STXBP5L: variants seen among roughly 807,000 people sequenced by gnomAD.
STXBP5L encodes syntaxin-binding protein 5-like.
A neutral mutation model predicts 144.5 loss-of-function variants in STXBP5L; 65 were observed. The ratio of observed to expected loss-of-function variants is 0.45; its 90% CI spans 0.37 to 0.55. The LOEUF (loss-of-function observed/expected upper bound fraction) is 0.55. STXBP5L is among the 20% of genes least tolerant of loss of function. The pLI is 0.00. For missense variants in STXBP5L, 1,298 were observed against 1,405.5 expected, an observed-to-expected ratio of 0.92 and a Z score of 1.22; for synonymous variants, 505 against 469.6, an observed-to-expected ratio of 1.08 and a Z score of -0.97.
intron 7 of STXBP5L, among the ~76,000 whole-genome samples, chr3:121,143,807 A>G (rs551860242): frequency 1.7e-4 from 26 of 152,052 alleles, no homozygotes; most frequent in African/African-American, 5.5e-4. Context: ...ACATCAATTC[A>G]AAATGGATTA....
In STXBP5L at chr3:121,094,549, TC is replaced by T. The variant is rs765839552; in HGVS notation, c.471-20375del. ...TAATGGCCTTCTTTGTCCCTTTTGA[TC>T]TTTGTTGGTTTAAAGTCTGTTTTAT... On this transcript the variant is annotated intron_variant, in intron 5 of 26. Transcript: ENST00000471454. 3.0e-3 allele frequency among the ~76,000 whole-genome samples: 460 copies of T among 152,136 alleles called. 1 individual carries two copies. The highest frequency in any genetic ancestry group is 5.4e-3 in the Non-Finnish European group (364 of 67,986).
At chr3:121,054,187 T>A (rs1948262299) in intron 5 of STXBP5L, among the ~76,000 whole-genome samples, 5 of 152,164 alleles carry the variant, frequency 3.3e-5, no homozygotes, top group Admixed American at 3.3e-4. Context: ...GTGTGGCGAT[T>A]CCTCAGGGAT....
intron 5 of STXBP5L, among the ~76,000 whole-genome samples, chr3:121,056,959 G>A (rs1277526834): frequency 2.0e-5 from 3 of 148,960 alleles, no homozygotes; most frequent in South Asian, 2.1e-4. Context: ...TTATAAAGAG[G>A]GAAAAAAGCG....
intron 3 of STXBP5L, among the ~76,000 whole-genome samples, chr3:121,006,581 G>T (rs572921287): frequency 6.6e-6 from 1 of 152,138 alleles, no homozygotes; most frequent in Non-Finnish European, 1.5e-5. Flanking sequence ...GTATGAATTT[G>T]ATCCTGTCAT....
chr3:121,195,199 C>T (rs552186912), intron 9 of STXBP5L, among the ~76,000 whole-genome samples: 5 of 152,020 alleles, frequency 3.3e-5, no homozygotes, highest in Non-Finnish European at 7.4e-5. Flanking sequence ...GCTGGGATTA[C>T]AGGTGTGAGC....
chr3:121,336,155 A>G (rs2044497437), intron 20 of STXBP5L, among the ~76,000 whole-genome samples: 1 of 152,216 alleles, frequency 6.6e-6, no homozygotes, highest in Non-Finnish European at 1.5e-5. Context: ...CAAAGAGCAT[A>G]TGAAAAAAAG....
chr3:120,984,745 A>G (rs1236210061), intron 3 of STXBP5L, among the ~76,000 whole-genome samples: 1 of 151,032 alleles, frequency 6.6e-6, no homozygotes, highest in Non-Finnish European at 1.5e-5. Context: ...TGATTTTAAA[A>G]GAAGAGTTTT....
rs375688313 is a variant in STXBP5L at position 121,121,659 on chromosome 3, A to T, written c.624A>T (p.Pro208=). 4.6e-5 allele frequency: 74 copies of T among 1,605,516 alleles called. No homozygotes were observed. The highest frequency in any genetic ancestry group is 3.6e-4 in the East Asian group (16 of 44,654). ...TTAACAGATCCACTAAGACTCATCCAGGTCCAGTTGTACATTTAAGCGATA... is the reference window on the plus strand; with the variant it reads ...TTAACAGATCCACTAAGACTCATCCTGGTCCAGTTGTACATTTAAGCGATA... ...KAIELSTKTH[P]GPVVHLSDSP... is the part of the protein sequence containing the mutation. The change falls in exon 7 of 27, where the codon CCA becomes CCT. Residue 208 remains proline, a synonymous_variant. Transcript: ENST00000471454.
intron 10 of STXBP5L, among the ~76,000 whole-genome samples, chr3:121,214,746 TC>T (rs1362612213): frequency 6.6e-6 from 1 of 152,184 alleles, no homozygotes; most frequent in East Asian, 1.9e-4. Flanking sequence ...TGAGTTCAAG[TC>T]CTGAATAGCC....
At chr3:121,341,508 A>G (rs567255967) in intron 20 of STXBP5L, among the ~76,000 whole-genome samples, 1 of 151,994 alleles carries the variant, frequency 6.6e-6, no homozygotes, top group Non-Finnish European at 1.5e-5. Context: ...CAGCAATCCC[A>G]CTACCAAGTG....
At chr3:120,979,374 G>T (rs1399485773) in intron 3 of STXBP5L, among the ~76,000 whole-genome samples, 1 of 152,200 alleles carries the variant, frequency 6.6e-6, no homozygotes, top group Non-Finnish European at 1.5e-5. Context: ...TAATCTTCTG[G>T]TGCACCGTTT....
intron 9 of STXBP5L, among the ~76,000 whole-genome samples, chr3:121,172,930 C>G (rs1054325586): frequency 2.0e-5 from 3 of 152,154 alleles, no homozygotes; most frequent in African/African-American, 7.2e-5. Flanking sequence ...GGAACCAACC[C>G]AAATGTCCAT....
chr3:121,338,628 A>C (rs1033558606), intron 20 of STXBP5L, among the ~76,000 whole-genome samples: 2 of 151,158 alleles, frequency 1.3e-5, no homozygotes, highest in Non-Finnish European at 2.9e-5. Flanking sequence ...GAGAGAAAGA[A>C]AGAAAGAAAG....
intron 20 of STXBP5L, among the ~76,000 whole-genome samples, chr3:121,352,259 A>G (rs988461924): frequency 6.6e-6 from 1 of 152,116 alleles, no homozygotes; most frequent in Non-Finnish European, 1.5e-5. Context: ...CATTGAATCT[A>G]TAAATTACCT....
In STXBP5L at chr3:121,029,481, C is replaced by T. The variant is rs138601211; in HGVS notation, c.288-12219C>T. On this transcript the variant is annotated intron_variant, in intron 3 of 26. Coordinates refer to ENST00000471454, the MANE Select transcript of STXBP5L (RefSeq NM_001308330.2). ...GTTGGGAAAACTGGCTAGCCATATG[C>T]AGAAAAGTGAAACTGGACCCTTTCC... is the stretch of plus-strand genomic sequence containing the variant. Among the ~76,000 whole-genome samples the T allele has an allele frequency of 9.6e-3, 1,459 of 152,178 alleles. 11 individuals carry two copies. Among genetic ancestry groups the T allele is most frequent in the Non-Finnish European group, 0.013 (911 of 67,974 alleles).
intron 19 of STXBP5L, among the ~76,000 whole-genome samples, chr3:121,304,826 C>G (rs2043283367): frequency 6.6e-6 from 1 of 151,442 alleles, no homozygotes; most frequent in African/African-American, 2.4e-5. Context: ...GCAATGTAAA[C>G]CACCCAATGT....
At chr3:121,220,174 A>T (rs994309114) in intron 10 of STXBP5L, among the ~76,000 whole-genome samples, 15 of 152,066 alleles carry the variant, frequency 9.9e-5, no homozygotes, top group African/African-American at 3.4e-4. Flanking sequence ...TTTGTTCTCC[A>T]TCACTATAGT....
At chr3:121,280,090 G>GT in intron 19 of STXBP5L, 134 bp downstream of exon 19, 2 of 1,114,920 alleles carry the variant, frequency 1.8e-6, no homozygotes, top group Non-Finnish European at 2.5e-6. Context: ...ACAAAATCAT[G>GT]TAAGTAAAAT....
intron 2 of STXBP5L, among the ~76,000 whole-genome samples, chr3:120,921,432 T>C (rs1709354428): frequency 6.6e-6 from 1 of 152,050 alleles, no homozygotes; most frequent in African/African-American, 2.4e-5. Context: ...GGGTTGTCTC[T>C]TTACCTTGTT....
Sources: gnomAD v4.1 joint callset for allele counts (sites outside exome capture counted in the v4.1 genomes callset) on GRCh38, gnomAD v4.1.1 for gene constraint, MANE v1.5 for transcripts, NCBI Gene and HGNC (gene_info 2026-07-23, HGNC 2026-07-21) for gene names.